Variants in SPON1 observed in about 807,000 individuals in gnomAD.
The protein encoded by SPON1 is spondin-1.
Under a neutral mutation model 111.7 loss-of-function variants are expected in SPON1, and 52 were observed. The ratio of observed to expected loss-of-function variants is 0.47; its 90% CI spans 0.37 to 0.59. The LOEUF (loss-of-function observed/expected upper bound fraction) is 0.59. Among genes scored for constraint, SPON1 ranks in the 20% least tolerant of loss-of-function variants. SPON1 has a pLI of 0.00. For missense variants in SPON1, 957 were observed against 1,068.5 expected (o/e 0.90, Z 1.46); for synonymous variants, 410 against 395.8 (o/e 1.04, Z -0.43).
At chr11:14,260,013 G>A (rs571250712) in intron 13 of SPON1, among the ~76,000 whole-genome samples, 51 of 152,228 alleles carry the variant, frequency 3.4e-4, no homozygotes, top group African/African-American at 1.1e-3. Context: ...GGGGAGGAGG[G>A]CCAATACATT....
intron 6 of SPON1, among the ~76,000 whole-genome samples, chr11:14,144,673 A>ATAAT (rs1564914879): frequency 2.8e-4 from 35 of 124,918 alleles, no homozygotes; most frequent in African/African-American, 1.0e-3. Context: ...ATAATAATGA[A>ATAAT]AAATAAAAAG....
chr11:14,056,457 T>G (rs781860074), intron 3 of SPON1, among the ~76,000 whole-genome samples: 1 of 150,650 alleles, frequency 6.6e-6, no homozygotes, highest in Admixed American at 6.5e-5. Flanking sequence ...CAAAAACTGT[T>G]TAGTCACACT....
chr11:14,021,392 A>G (rs1848480587), intron 2 of SPON1, among the ~76,000 whole-genome samples: 1 of 152,188 alleles, frequency 6.6e-6, no homozygotes, highest in Non-Finnish European at 1.5e-5. Context: ...GGTAGACCTC[A>G]GGGACAAGGC....
rs542924308 is a variant in SPON1, at chr11:14,052,046, C to G, written c.479+10392C>G. Among the ~76,000 whole-genome samples the G allele has an allele frequency of 1.7e-3, 264 of 152,312 alleles. 1 individual carries two copies. Among genetic ancestry groups the G allele is most frequent in the African/African-American group, 5.9e-3 (247 of 41,570 alleles). Reference sequence around the variant, plus strand: ...ACTGACTAAGCTTGACTCCCCTCCCCACAGCTCCTGCCCACCTTCTGCCTC... The same window carrying G: ...ACTGACTAAGCTTGACTCCCCTCCCGACAGCTCCTGCCCACCTTCTGCCTC... On this transcript the variant is annotated intron_variant, in intron 3 of 15. Coordinates refer to ENST00000576479, the MANE Select transcript of SPON1 (RefSeq NM_006108.4).
At chr11:14,053,581 G>A (rs2133819496) in intron 3 of SPON1, among the ~76,000 whole-genome samples, 1 of 152,292 alleles carries the variant, frequency 6.6e-6, no homozygotes, top group South Asian at 2.1e-4. Flanking sequence ...GGATAAAAAT[G>A]AGAACTTTGG....
chr11:14,027,474 T>A (rs1307735668), intron 2 of SPON1, among the ~76,000 whole-genome samples: 12 of 152,216 alleles, frequency 7.9e-5, no homozygotes, highest in African/African-American at 2.9e-4. Flanking sequence ...TCAGGGACTT[T>A]AAATGAGCTG....
intron 7 of SPON1, among the ~76,000 whole-genome samples, chr11:14,244,653 T>G (rs868992608): frequency 7.3e-5 from 11 of 150,228 alleles, no homozygotes; most frequent in African/African-American, 2.5e-4. Flanking sequence ...GAGGCTGAAG[T>G]AGGAGCATCG....
chr11:14,118,962 A>G (rs1428250181), intron 5 of SPON1, among the ~76,000 whole-genome samples: 1 of 152,250 alleles, frequency 6.6e-6, no homozygotes, highest in Non-Finnish European at 1.5e-5. Flanking sequence ...TGCAGGGAAC[A>G]TGCTCAATAA....
intron 3 of SPON1, among the ~76,000 whole-genome samples, chr11:14,053,312 A>C (rs1202526034): frequency 6.6e-6 from 1 of 151,496 alleles, no homozygotes; most frequent in African/African-American, 2.4e-5. Flanking sequence ...TCCTCTCCCC[A>C]CCCCAGCCCC....
chr11:14,153,148 A>G (rs1847806846), intron 6 of SPON1, among the ~76,000 whole-genome samples: 1 of 152,168 alleles, frequency 6.6e-6, no homozygotes, highest in Non-Finnish European at 1.5e-5. Context: ...TTTACAACAT[A>G]CATCCTTTAC....
chr11:14,055,203 A>G (rs1554919048), intron 3 of SPON1, among the ~76,000 whole-genome samples: 2 of 152,038 alleles, frequency 1.3e-5, no homozygotes, highest in Non-Finnish European at 2.9e-5. Flanking sequence ...CTATCTTTCT[A>G]TTTGTTTCTT....
chr11:14,128,333 T>C (rs1445620443), intron 5 of SPON1, among the ~76,000 whole-genome samples: 1 of 152,166 alleles, frequency 6.6e-6, no homozygotes, highest in Non-Finnish European at 1.5e-5. Context: ...CCATTCCAAA[T>C]GGGAGAAATT....
intron 6 of SPON1, among the ~76,000 whole-genome samples, chr11:14,165,694 A>G (rs1175933356): frequency 2.0e-5 from 3 of 152,194 alleles, no homozygotes; most frequent in African/African-American, 7.2e-5. Flanking sequence ...AACAGCTAAC[A>G]ACAGTGTACT....
intron 3 of SPON1, among the ~76,000 whole-genome samples, chr11:14,062,895 G>T (rs565842092): frequency 1.3e-5 from 2 of 152,150 alleles, no homozygotes; most frequent in Non-Finnish European, 2.9e-5. Context: ...CACTGTGAGG[G>T]TCCAGCTCCA....
chr11:14,017,154 T>C, intron 2 of SPON1, among the ~76,000 whole-genome samples: 1 of 152,182 alleles, frequency 6.6e-6, no homozygotes, highest in East Asian at 1.9e-4. Context: ...AGGGAAAATA[T>C]TACAAACCAC....
intron 6 of SPON1, among the ~76,000 whole-genome samples, chr11:14,159,561 A>G (rs1008714806): frequency 3.9e-5 from 6 of 152,162 alleles, no homozygotes; most frequent in African/African-American, 1.2e-4. Flanking sequence ...GGAAATCAGT[A>G]TATCAAAGAG....
At chr11:14,133,677 C>T (rs1174548234) in intron 5 of SPON1, among the ~76,000 whole-genome samples, 2 of 152,202 alleles carry the variant, frequency 1.3e-5, no homozygotes, top group African/African-American at 4.8e-5. Context: ...TTACTGGTTA[C>T]CAGCCATTGC....
chr11:14,093,991 C>T (rs997311398), intron 5 of SPON1, among the ~76,000 whole-genome samples: 7 of 152,158 alleles, frequency 4.6e-5, no homozygotes, highest in African/African-American at 1.2e-4. Context: ...GCAGATGGAT[C>T]ACTTGAGGTC....
chr11:14,219,585 C>T (rs1564933682), intron 6 of SPON1, among the ~76,000 whole-genome samples: 1 of 152,134 alleles, frequency 6.6e-6, no homozygotes, highest in Non-Finnish European at 1.5e-5. Flanking sequence ...AAAACTGCCA[C>T]CTATTTGGGT....
Sources: gnomAD v4.1 joint callset for allele counts (sites outside exome capture counted in the v4.1 genomes callset) on GRCh38, gnomAD v4.1.1 for gene constraint, MANE v1.5 for transcripts, NCBI Gene and HGNC (gene_info 2026-07-23, HGNC 2026-07-21) for gene names.